Variants in PIWIL2 observed in about 807,000 individuals in gnomAD.
The protein encoded by PIWIL2 is piwi-like protein 2.
In PIWIL2, 81 loss-of-function variants were observed where a neutral mutation model predicts 116.5. The ratio of observed to expected loss-of-function variants is 0.70; its 90% confidence interval spans 0.58 to 0.84. The LOEUF (loss-of-function observed/expected upper bound fraction) is 0.84. Ranked by LOEUF, PIWIL2 falls within the 40% of genes least tolerant of loss-of-function variation. The probability of loss-of-function intolerance (pLI) is 0.00; values close to 1 mark genes in which losing one functional copy is unlikely to be tolerated. For missense variants in PIWIL2, 1,272 were observed against 1,212.3 expected (o/e 1.05, Z -0.73); for synonymous variants, 489 against 429.5 (o/e 1.14, Z -1.71).
At chr8:22,275,549 C>CG (rs1249056363) in intron 1 of PIWIL2, 151 bp downstream of exon 1, 1 of 150,608 alleles carries the variant, frequency 6.6e-6, no homozygotes, top group Non-Finnish European at 1.5e-5. Context: ...GCGGGTCGGG[C>CG]GGGGGCGGGA....
At chr8:22,303,014 T>C (rs1831087544) in intron 10 of PIWIL2, among the ~76,000 whole-genome samples, 1 of 152,240 alleles carries the variant, frequency 6.6e-6, no homozygotes, top group African/African-American at 2.4e-5. Context: ...CTAGATTAAG[T>C]TTTCTCTATC....
At chr8:22,293,978 A>C (rs1051154161) in intron 10 of PIWIL2, among the ~76,000 whole-genome samples, 3 of 152,180 alleles carry the variant, frequency 2.0e-5, no homozygotes, top group African/African-American at 4.8e-5. Flanking sequence ...ATGGGCATTG[A>C]CTAGGGAGAA....
chr8:22,338,716 A>G (rs985364308), intron 20 of PIWIL2, among the ~76,000 whole-genome samples: 20 of 151,982 alleles, frequency 1.3e-4, no homozygotes, highest in Admixed American at 1.3e-3. Context: ...ATAAATAAAT[A>G]AATAAATAAC....
intron 20 of PIWIL2, 22 bp downstream of exon 20, chr8:22,318,297 A>G (rs757300237): frequency 1.2e-5 from 16 of 1,312,002 alleles, no homozygotes; most frequent in Non-Finnish European, 1.7e-5. Flanking sequence ...AGAAATTCTC[A>G]GGCTTCTGGG....
At chr8:22,289,442 C>T (rs981550497) in intron 8 of PIWIL2, among the ~76,000 whole-genome samples, 1 of 152,220 alleles carries the variant, frequency 6.6e-6, no homozygotes, top group African/African-American at 2.4e-5. Flanking sequence ...TAAGCCACCG[C>T]GCCCGGCCCA....
At chr8:22,336,372 A>T (rs1305040457) in intron 20 of PIWIL2, among the ~76,000 whole-genome samples, 2 of 152,202 alleles carry the variant, frequency 1.3e-5, no homozygotes, top group African/African-American at 4.8e-5. Flanking sequence ...ACTGGCTCCA[A>T]AATAACCAGT....
intron 16 of PIWIL2, among the ~76,000 whole-genome samples, chr8:22,312,115 T>C (rs951838423): frequency 1.3e-5 from 2 of 149,690 alleles, no homozygotes; most frequent in African/African-American, 4.9e-5. Flanking sequence ...AATCTAAACA[T>C]TAGCTGGGTG....
At chr8:22,354,165 A>C in intron 21 of PIWIL2, 106 bp from the exon 22 acceptor site, 1 of 735,288 alleles carries the variant, frequency 1.4e-6, no homozygotes, top group Admixed American at 2.0e-5. Context: ...CAGTCATTTG[A>C]GCTCTCTGAG....
chr8:22,303,761 A>G (rs753453922), intron 10 of PIWIL2, among the ~76,000 whole-genome samples: 13 of 151,544 alleles, frequency 8.6e-5, no homozygotes, highest in Non-Finnish European at 1.6e-4. Context: ...TCCCCCACCA[A>G]GGAAATAAGG....
At chr8:22,287,094 A>G (rs570922257) in intron 6 of PIWIL2, among the ~76,000 whole-genome samples, 3 of 151,968 alleles carry the variant, frequency 2.0e-5, no homozygotes, top group African/African-American at 2.4e-5. Context: ...CAAAAAAAAA[A>G]AGGGAGATGG....
chr8:22,284,585 CT>C (rs763584578), intron 6 of PIWIL2, among the ~76,000 whole-genome samples: 2 of 152,082 alleles, frequency 1.3e-5, no homozygotes, highest in Non-Finnish European at 2.9e-5. Context: ...CTTCCATGAT[CT>C]TTTAACTTAT....
chr8:22,284,455 A>G (rs1488088765), intron 6 of PIWIL2, among the ~76,000 whole-genome samples, 183 bp downstream of exon 6: 1 of 152,180 alleles, frequency 6.6e-6, no homozygotes, highest in Non-Finnish European at 1.5e-5. Flanking sequence ...GTATTTAGCT[A>G]TATTACCAAT....
chr8:22,284,346 A>C, intron 6 of PIWIL2, 74 bp downstream of exon 6: 1 of 743,702 alleles, frequency 1.3e-6, no homozygotes, highest in Admixed American at 2.6e-5. Flanking sequence ...GGAATAACTG[A>C]ATATTGTCCT....
chr8:22,352,603 A>G (rs75445243), intron 20 of PIWIL2, among the ~76,000 whole-genome samples: 9,212 of 152,224 alleles, frequency 0.061, 347 homozygotes, highest in Admixed American at 0.091. Flanking sequence ...CCCGACAGTT[A>G]TTAGTGTTAA....
intron 20 of PIWIL2, among the ~76,000 whole-genome samples, chr8:22,351,461 A>G (rs554208420): frequency 2.3e-5 from 2 of 87,714 alleles, no homozygotes; most frequent in Non-Finnish European, 4.4e-5. Context: ...ATATATATAT[A>G]TATATATATA....
At chr8:22,341,977 T>TAAAAAA (rs530423710) in intron 20 of PIWIL2, among the ~76,000 whole-genome samples, 1 of 121,576 alleles carries the variant, frequency 8.2e-6, no homozygotes, top group Non-Finnish European at 1.8e-5. Flanking sequence ...TCTATTGCTG[T>TAAAAAA]AAAAAAAAAA....
At chr8:22,307,790 A>G (rs910063801) in intron 13 of PIWIL2, 143 bp from the exon 14 acceptor site, 4 of 608,220 alleles carry the variant, frequency 6.6e-6, no homozygotes, top group Middle Eastern at 4.5e-4. Context: ...CCTAAGAGAT[A>G]TATTTAATAA....
At chr8:22,342,736 A>G (rs529101200) in intron 20 of PIWIL2, among the ~76,000 whole-genome samples, 1 of 152,332 alleles carries the variant, frequency 6.6e-6, no homozygotes, top group South Asian at 2.1e-4. Context: ...CCAAAAGCCC[A>G]TGAAAGGAAA....
At chr8:22,333,130 T>C (rs766003474) in intron 20 of PIWIL2, among the ~76,000 whole-genome samples, 1 of 152,148 alleles carries the variant, frequency 6.6e-6, no homozygotes, top group Non-Finnish European at 1.5e-5. Context: ...CTATAGATGT[T>C]GTACTCTCTA....
Sources: allele counts gnomAD v4.1 joint callset (sites outside exome capture counted in the v4.1 genomes callset), GRCh38; gene constraint gnomAD v4.1.1; transcripts MANE v1.5; gene names NCBI Gene and HGNC (gene_info 2026-07-23, HGNC 2026-07-21).